Variants in CNTN5 observed in about 807,000 individuals in gnomAD.
The protein encoded by CNTN5 is contactin 5.
In CNTN5, 77 loss-of-function variants were observed where a neutral mutation model predicts 129.1. That is an observed-to-expected ratio of 0.60 (90% CI 0.50 to 0.72). The LOEUF is 0.72. CNTN5 is among the 30% of genes least tolerant of loss of function. The pLI is 0.00. For missense variants in CNTN5, 1,478 were observed against 1,328.8 expected (o/e 1.11, Z -1.75); for synonymous variants, 509 against 465.6 (o/e 1.09, Z -1.20).
chr11:100,030,531 T>C (rs374597522), intron 9 of CNTN5, among the ~76,000 whole-genome samples: 1 of 152,186 alleles, frequency 6.6e-6, no homozygotes, highest in East Asian at 1.9e-4. Flanking sequence ...GCACAATCCA[T>C]TGTGAACCAA....
chr11:100,200,531 T>G lies in CNTN5; in HGVS notation c.1884+6868T>G, dbSNP rs143176350. ...TATGTGTGCTATGAATAGTTACTAGTATCCTTGCAAATTTTTATTTTGGTG... is the reference window on the plus strand; with the variant it reads ...TATGTGTGCTATGAATAGTTACTAGGATCCTTGCAAATTTTTATTTTGGTG... On this transcript the variant is annotated intron_variant, in intron 15 of 24. Transcript: ENST00000524871. Among the ~76,000 whole-genome samples, 492 of 152,084 alleles carry G rather than the reference T, an allele frequency of 3.2e-3. 2 individuals carry two copies. Among genetic ancestry groups the G allele is most frequent in the African/African-American group, 8.7e-3 (361 of 41,536 alleles).
At chr11:99,802,278 T>A (rs1425973056) in intron 3 of CNTN5, among the ~76,000 whole-genome samples, 1 of 152,164 alleles carries the variant, frequency 6.6e-6, no homozygotes, top group African/African-American at 2.4e-5. Flanking sequence ...GATCCTGGTT[T>A]ATTAGGAGAT....
chr11:100,067,896 TA>T (rs1943758287), intron 10 of CNTN5, among the ~76,000 whole-genome samples: 3 of 152,104 alleles, frequency 2.0e-5, no homozygotes, highest in Admixed American at 2.0e-4. Flanking sequence ...TCATTAATCA[TA>T]TGTTTGATTC....
At chr11:99,704,610 T>A (rs1309280888) in intron 3 of CNTN5, among the ~76,000 whole-genome samples, 1 of 151,224 alleles carries the variant, frequency 6.6e-6, no homozygotes, top group African/African-American at 2.4e-5. Context: ...CGATTTTATC[T>A]CAAATACATA....
intron 2 of CNTN5, among the ~76,000 whole-genome samples, chr11:99,334,814 A>G (rs956596974): frequency 2.9e-4 from 33 of 112,292 alleles, no homozygotes; most frequent in African/African-American, 1.1e-3. Flanking sequence ...AACAAAATAT[A>G]TTTTTTAAAA....
At chr11:100,137,566 T>C (rs1946567360) in intron 13 of CNTN5, among the ~76,000 whole-genome samples, 1 of 152,122 alleles carries the variant, frequency 6.6e-6, no homozygotes, top group Admixed American at 6.6e-5. Flanking sequence ...CCATGTAATA[T>C]TATCTAAATA....
chr11:99,958,902 A>G (rs1950871095), intron 8 of CNTN5, among the ~76,000 whole-genome samples: 1 of 152,098 alleles, frequency 6.6e-6, no homozygotes, highest in Non-Finnish European at 1.5e-5. Flanking sequence ...TTCTTTTCAC[A>G]CCAGAGACCT....
At chr11:99,531,311 C>T (rs1490696387) in intron 2 of CNTN5, among the ~76,000 whole-genome samples, 2 of 152,106 alleles carry the variant, frequency 1.3e-5, no homozygotes, top group African/African-American at 4.8e-5. Context: ...GGCGGAAGAA[C>T]TTTTTAAGCA....
chr11:99,865,772 G>A lies in CNTN5; in HGVS notation c.577+20510G>A, dbSNP rs145925952. ...ACAGGCCATTAATTAATAGTAATGT[G>A]TGATTTGTTAAGTTTATTGCATTTT... On this transcript the variant is annotated intron_variant, in intron 6 of 24. Coordinates refer to ENST00000524871, the MANE Select transcript of CNTN5 (RefSeq NM_014361.4). Among the ~76,000 whole-genome samples the A allele has an allele frequency of 2.5e-3, 384 of 152,084 alleles. 2 individuals carry two copies. Among genetic ancestry groups the A allele is most frequent in the African/African-American group, 8.5e-3 (354 of 41,508 alleles).
At chr11:100,205,554 T>C (rs1287070600) in intron 15 of CNTN5, among the ~76,000 whole-genome samples, 4 of 152,186 alleles carry the variant, frequency 2.6e-5, no homozygotes, top group African/African-American at 9.6e-5. Flanking sequence ...TTTTATTTAA[T>C]GAATAATTGA....
intron 2 of CNTN5, among the ~76,000 whole-genome samples, chr11:99,450,845 T>A (rs1332734169): frequency 6.8e-6 from 1 of 147,336 alleles, no homozygotes; most frequent in African/African-American, 2.5e-5. Flanking sequence ...TTTTTAGGGC[T>A]CCACATAAAT....
chr11:100,129,574 C>T (rs190537778), intron 13 of CNTN5, among the ~76,000 whole-genome samples: 38 of 152,184 alleles, frequency 2.5e-4, no homozygotes, highest in African/African-American at 8.9e-4. Flanking sequence ...AAATATATGG[C>T]TCTCTGTGCA....
chr11:99,764,095 A>G (rs1944675020), intron 3 of CNTN5, among the ~76,000 whole-genome samples: 1 of 152,156 alleles, frequency 6.6e-6, no homozygotes, highest in South Asian at 2.1e-4. Flanking sequence ...TTAGATATCA[A>G]TCTACAAATA....
Position 99,638,114 on chromosome 11 carries a change from C to T in CNTN5, c.55+81845C>T, listed in dbSNP as rs142298604. On this transcript the variant is annotated intron_variant, in intron 3 of 24. Coordinates refer to ENST00000524871, the MANE Select transcript of CNTN5 (RefSeq NM_014361.4). Reference sequence around the variant, plus strand: ...AGGTTTAATTGGACTTACAGTTCCACGTACCTTGTGAGGCCTCAGAATCTT... The same window carrying T: ...AGGTTTAATTGGACTTACAGTTCCATGTACCTTGTGAGGCCTCAGAATCTT... 2.0e-5 allele frequency among the ~76,000 whole-genome samples: 3 copies of T among 152,282 alleles called. No individual in the cohort carries two copies. The East Asian group carries it at 5.8e-4, about 29-fold the overall frequency.
chr11:99,531,309 A>C (rs1947696075), intron 2 of CNTN5, among the ~76,000 whole-genome samples: 1 of 152,206 alleles, frequency 6.6e-6, no homozygotes, highest in Non-Finnish European at 1.5e-5. Flanking sequence ...CTGGCGGAAG[A>C]ACTTTTTAAG....
At chr11:99,409,959 C>A (rs1942314824) in intron 2 of CNTN5, among the ~76,000 whole-genome samples, 1 of 152,200 alleles carries the variant, frequency 6.6e-6, no homozygotes, top group South Asian at 2.1e-4. Flanking sequence ...TAGGCACTTA[C>A]ACTTACCATC....
intron 1 of CNTN5, among the ~76,000 whole-genome samples, chr11:99,296,969 G>A (rs1864414889): frequency 6.6e-6 from 1 of 152,142 alleles, no homozygotes; most frequent in South Asian, 2.1e-4. Context: ...TTCCTAGGTG[G>A]GGAATTGAAC....
intron 15 of CNTN5, among the ~76,000 whole-genome samples, chr11:100,206,212 G>T (rs748674237): frequency 7.2e-5 from 11 of 152,176 alleles, no homozygotes; most frequent in Non-Finnish European, 1.2e-4. Context: ...AGTAAGTTTT[G>T]CAGACAAAGC....
intron 7 of CNTN5, among the ~76,000 whole-genome samples, chr11:99,941,490 A>G (rs72992869): frequency 1.3e-5 from 2 of 151,742 alleles, no homozygotes; most frequent in Admixed American, 6.6e-5. Flanking sequence ...CAAAGCAGAT[A>G]AAACATAGTC....
Sources: gnomAD v4.1 joint callset for allele counts (sites outside exome capture counted in the v4.1 genomes callset) on GRCh38, gnomAD v4.1.1 for gene constraint, MANE v1.5 for transcripts, NCBI Gene and HGNC (gene_info 2026-07-23, HGNC 2026-07-21) for gene names.